The following TBC1D8B variants were observed in gnomAD, a reference collection of about 807,000 sequenced individuals.
TBC1D8B encodes TBC1 domain family member 8B.
In TBC1D8B, 75 loss-of-function variants were observed where a neutral mutation model predicts 82.9. The observed-to-expected ratio is 0.90, with a 90% CI of 0.75 to 1.10. TBC1D8B has a LOEUF of 1.10. TBC1D8B is among the 50% of genes least tolerant of loss of function. TBC1D8B has a pLI of 0.00. For missense variants in TBC1D8B, 794 were observed against 796.9 expected, an observed-to-expected ratio of 1.00 and a Z score of 0.04; for synonymous variants, 276 against 276.8, an observed-to-expected ratio of 1.00 and a Z score of 0.03.
Position 106,820,981 on chromosome X carries a change from C to T in TBC1D8B, c.346C>T (p.Gln116Ter), listed in dbSNP as rs764279698. Reference sequence around the variant, plus strand: ...AAATGAAGATATTACTAATTTTGTACAAGGAAAAATAAGAGTAAGTGGCAC... The same window carrying T: ...AAATGAAGATATTACTAATTTTGTATAAGGAAAAATAAGAGTAAGTGGCAC... Reference protein sequence around the residue: ...DSNEDITNFVQGKIRGLIAEE... With the variant: ...DSNEDITNFV The change falls in exon 3 of 21, where the codon CAA becomes TAA. Residue 116 changes from glutamine to a stop codon, truncating the protein, a stop_gained. Coordinates refer to ENST00000357242, the MANE Select transcript of TBC1D8B (RefSeq NM_017752.3). LOFTEE classifies it high-confidence loss of function. 1 of 1,136,931 alleles carries T rather than the reference C, an allele frequency of 8.8e-7. No individual in the cohort carries two copies. The allele number at this position is 1,136,931 out of a possible 1,213,427, so 93.7% of individuals were successfully genotyped here. A position where few individuals can be genotyped will look rare whatever the true frequency, so the allele number is the denominator to read the frequency against.
At chrX:106,804,019 C>A (rs530377036) in intron 1 of TBC1D8B, among the ~76,000 whole-genome samples, 1 of 111,853 alleles carries the variant, frequency 8.9e-6, no homozygotes, top group Admixed American at 9.5e-5. Context: ...ATTTACTCAA[C>A]CTTAAGCACC....
At chrX:106,830,940 T>TATA (rs35587115) in intron 7 of TBC1D8B, among the ~76,000 whole-genome samples, 1 of 104,184 alleles carries the variant, frequency 9.6e-6, no homozygotes, top group Admixed American at 1.0e-4. Flanking sequence ...AAACTTAAAG[T>TATA]ATAATAATAA....
At position 106,874,276 on chromosome X, in the gene TBC1D8B, T is replaced by C. The variant is rs946996735; in HGVS notation, c.*311T>C. The stretch of plus-strand genomic sequence containing the variant: ...TGCAATATCAGGGGAATATGCTAAA[T>C]GTTACCACCAGAGGGCACAAGCATA... On this transcript the variant is annotated 3_prime_UTR_variant, in exon 21 of 21. Coordinates refer to ENST00000357242, the MANE Select transcript of TBC1D8B (RefSeq NM_017752.3). The C allele has an allele frequency of 1.3e-5, 2 of 154,837 alleles. No individual in the cohort carries two copies. Among genetic ancestry groups the C allele is most frequent in the Non-Finnish European group, 2.5e-5 (2 of 80,719 alleles). The allele number at this position is 154,837 out of a possible 1,213,427, so 12.8% of individuals were successfully genotyped here. A position where few individuals can be genotyped will look rare whatever the true frequency, so the allele number is the denominator to read the frequency against.
intron 4 of TBC1D8B, among the ~76,000 whole-genome samples, chrX:106,822,576 C>T (rs1569450429): frequency 1.8e-5 from 2 of 110,913 alleles, no homozygotes; most frequent in Non-Finnish European, 3.8e-5. Context: ...CACTTTGTAG[C>T]TACAAAGAAG....
chrX:106,869,432 C>CA, intron 18 of TBC1D8B, 53 bp from the exon 19 acceptor site: 1 of 1,079,716 alleles, frequency 9.3e-7, no homozygotes. Context: ...ATTTTGCTTT[C>CA]AAAGAGTATT....
chrX:106,866,863 G>A lies in TBC1D8B; in HGVS notation c.2728+1G>A. The A allele has an allele frequency of 1.7e-6, 2 of 1,165,809 alleles. No individual in the cohort carries two copies. The highest frequency in any genetic ancestry group is 2.3e-6 in the Non-Finnish European group (2 of 865,632). On this transcript the variant is annotated splice_donor_variant, in intron 17 of 20. Coordinates refer to ENST00000357242, the MANE Select transcript of TBC1D8B (RefSeq NM_017752.3). LOFTEE classifies it high-confidence loss of function. Reference sequence around the variant, plus strand: ...CTTTTTAAGCTACATATTCCTCCAGGTAAGAGTTTACCAGTCTTTAACGAT... The same window carrying A: ...CTTTTTAAGCTACATATTCCTCCAGATAAGAGTTTACCAGTCTTTAACGAT...
chrX:106,837,773 G>A (rs12689287), intron 7 of TBC1D8B, among the ~76,000 whole-genome samples: 22,759 of 110,628 alleles, frequency 0.21, 2,145 homozygotes, highest in South Asian at 0.35. Context: ...CATCCATGTC[G>A]CTGCAAATGA....
intron 1 of TBC1D8B, 134 bp downstream of exon 1, chrX:106,803,117 G>A: frequency 2.7e-6 from 2 of 748,410 alleles, no homozygotes; most frequent in South Asian, 3.6e-5. Context: ...TTCTTCTCCC[G>A]ACACCACCTT....
chrX:106,852,443 G>T (rs1399832140), intron 12 of TBC1D8B, among the ~76,000 whole-genome samples: 2 of 110,127 alleles, frequency 1.8e-5, no homozygotes, highest in East Asian at 2.8e-4. Context: ...GTCAATTTTG[G>T]CTTTTGTTGC....
In TBC1D8B at chrX:106,866,856, C is replaced by A. The variant is rs1336772562; in HGVS notation, c.2722C>A (p.Pro908Thr). Residue 908 changes from proline (P) to threonine (T), a missense_variant, in exon 17 of 21, where the codon CCT becomes ACT. By Grantham distance (38) the Pro-to-Thr change is conservative. Transcript: ENST00000357242. ...KLKLLFKLHI[P>T]PAYTEVKSKD... is the part of the protein sequence containing the mutation. The stretch of plus-strand genomic sequence containing the variant: ...TAAGCTGCTTTTTAAGCTACATATT[C>A]CTCCAGGTAAGAGTTTACCAGTCTT... 1 of 1,176,275 alleles carries A rather than the reference C, an allele frequency of 8.5e-7. No homozygotes were observed. Among genetic ancestry groups the A allele is most frequent in the Non-Finnish European group, 1.1e-6 (1 of 872,508 alleles).
rs1339638801 is a variant in TBC1D8B, at chrX:106,873,721, C to A, written c.3119C>A (p.Ala1040Asp). Residue 1040 changes from alanine to aspartate, a missense_variant, in exon 21 of 21, where the codon GCC (alanine) becomes GAC (aspartate). Ala to Asp is a moderately radical substitution (Grantham distance 126). Transcript: ENST00000357242. ...AAACTACATAGCCCTACATCATCAG[C>A]CAAAGGATTCTCTGGTACTGTCTGT... ...GRKLHSPTSS[A>D]KGFSGTVCGS... The A allele has an allele frequency of 1.7e-6, 2 of 1,209,991 alleles. No homozygotes were observed. Among genetic ancestry groups the A allele is most frequent in the African/African-American group, 3.5e-5 (2 of 57,122 alleles).
intron 10 of TBC1D8B, among the ~76,000 whole-genome samples, chrX:106,846,359 C>T (rs949086592): frequency 1.1e-4 from 12 of 105,797 alleles, no homozygotes; most frequent in African/African-American, 3.5e-4. Flanking sequence ...CCACCCACCT[C>T]GGCCTCCCAA....
At chrX:106,825,810 C>T (rs1356353100) in intron 5 of TBC1D8B, among the ~76,000 whole-genome samples, 1 of 111,192 alleles carries the variant, frequency 9.0e-6, no homozygotes, top group Admixed American at 9.6e-5. Context: ...GCATTTTAAT[C>T]TACTAATAAA....
At chrX:106,854,610 C>T (rs1932659563) in intron 14 of TBC1D8B, among the ~76,000 whole-genome samples, 1 of 110,564 alleles carries the variant, frequency 9.0e-6, no homozygotes, top group Non-Finnish European at 1.9e-5. Context: ...ACCTCATGGG[C>T]TCAAGAGATC....
chrX:106,824,898 A>T (rs1405734281), intron 5 of TBC1D8B, among the ~76,000 whole-genome samples: 1 of 111,667 alleles, frequency 9.0e-6, no homozygotes, highest in African/African-American at 3.2e-5. Context: ...TATTACTTTT[A>T]TAGTTTAAAC....
chrX:106,846,488 G>A (rs1329470089), intron 10 of TBC1D8B, among the ~76,000 whole-genome samples: 3 of 109,956 alleles, frequency 2.7e-5, no homozygotes, highest in East Asian at 2.9e-4. Flanking sequence ...AGAGCTTACT[G>A]GTTTTACTGA....
chrX:106,859,253 T>C (rs1281790702), intron 14 of TBC1D8B, among the ~76,000 whole-genome samples: 1 of 112,107 alleles, frequency 8.9e-6, no homozygotes, highest in African/African-American at 3.2e-5. Context: ...AAGAATGTCA[T>C]TGGTAGTTTG....
In TBC1D8B at chrX:106,865,778, A is replaced by T. The variant is rs769966921; in HGVS notation, c.2422-15A>T. 2 of 1,159,854 alleles carry T rather than the reference A, an allele frequency of 1.7e-6. No individual in the cohort carries two copies. The highest frequency in any genetic ancestry group is 2.8e-5 in the Admixed American group (1 of 35,244). The stretch of plus-strand genomic sequence containing the variant: ...TTCTAATTAGTAACTTTCCTTTTTT[A>T]TTTATTTTTAATAGAAAGAGCTGTT... On this transcript the variant is annotated splice_polypyrimidine_tract_variant and intron_variant, in intron 15 of 20. Transcript: ENST00000357242.
At chrX:106,851,469 G>GTTTGTTAC (rs1018460195) in intron 12 of TBC1D8B, among the ~76,000 whole-genome samples, 6 of 111,500 alleles carry the variant, frequency 5.4e-5, no homozygotes, top group African/African-American at 2.0e-4. Flanking sequence ...CAACGTGCAG[G>GTTTGTTAC]TTTGTTACAT....
Sources: gnomAD v4.1 joint callset for allele counts (sites outside exome capture counted in the v4.1 genomes callset) on GRCh38, gnomAD v4.1.1 for gene constraint, MANE v1.5 for transcripts, NCBI Gene and HGNC (gene_info 2026-07-23, HGNC 2026-07-21) for gene names.